Variants in ZNF740 observed in about 807,000 individuals in gnomAD.
ZNF740 encodes the protein zinc finger protein 740.
Under a neutral mutation model 24.8 loss-of-function variants are expected in ZNF740, and 14 were observed. The ratio of observed to expected loss-of-function variants is 0.56; its 90% CI spans 0.37 to 0.88. The LOEUF is 0.88. ZNF740 is among the 40% of genes least tolerant of loss of function. The pLI, the probability that ZNF740 is intolerant of heterozygous loss-of-function variation, is 0.00. For synonymous variants in ZNF740, 69 were observed against 84.0 expected (o/e 0.82, Z 0.98); for missense variants, 201 against 247.9 (o/e 0.81, Z 1.27).
At chr12:53,183,246 C>G (rs1941731793) in intron 2 of ZNF740, among the ~76,000 whole-genome samples, 1 of 152,208 alleles carries the variant, frequency 6.6e-6, no homozygotes, top group African/African-American at 2.4e-5. Context: ...TCTTAGTTTA[C>G]TTTTCATCAA....
At chr12:53,184,150 T>TGTGTGTGTGTGCGCGC (rs59250662) in intron 2 of ZNF740, among the ~76,000 whole-genome samples, 8 of 104,426 alleles carry the variant, frequency 7.7e-5, no homozygotes, top group South Asian at 6.0e-4. Context: ...TGTGTGTGTG[T>TGTGTGTGTGTGCGCGC]GCGCGCGCGC....
chr12:53,188,808 T>C lies in ZNF740; in HGVS notation c.*1218T>C. 6.6e-6 allele frequency: 1 copy of C among 152,240 alleles called. No homozygotes were observed. The highest frequency in any genetic ancestry group is 1.5e-5 in the Non-Finnish European group (1 of 68,004). 9.4% of individuals were successfully genotyped at this position (152,240 alleles called of 1,614,324 possible). On this transcript the variant is annotated 3_prime_UTR_variant, in exon 7 of 7. Transcript: ENST00000416904. ...AAAAGACTAAAGAAGAAACCTAATG[T>C]AGGTTCCATTCTTAACCATATTCTT... is the stretch of plus-strand genomic sequence containing the variant.
rs1348113919 is a variant in ZNF740 at position 53,193,729 on chromosome 12, T to G, written c.*6139T>G. On this transcript the variant is annotated 3_prime_UTR_variant, in exon 7 of 7. Coordinates refer to ENST00000416904, the MANE Select transcript of ZNF740 (RefSeq NM_001004304.4). ...TCACCTGCATACACCACATTGTAGG[T>G]GTCCCTGGCCATCACTGCAGTGGGG... 11 of 1,613,212 alleles carry G rather than the reference T, an allele frequency of 6.8e-6. No individual in the cohort carries two copies. Among genetic ancestry groups the G allele is most frequent in the Non-Finnish European group, 8.5e-7 (1 of 1,179,552 alleles).
chr12:53,189,188 A>G lies in ZNF740; in HGVS notation c.*1598A>G, dbSNP rs977092384. 6.6e-6 allele frequency: 1 copy of G among 151,972 alleles called. No individual in the cohort carries two copies. The highest frequency in any genetic ancestry group is 2.1e-4 in the South Asian group (1 of 4,830). 9.4% of individuals were successfully genotyped at this position (151,972 alleles called of 1,614,324 possible). A position where few individuals can be genotyped will look rare whatever the true frequency, so the allele number is the denominator to read the frequency against. On this transcript the variant is annotated 3_prime_UTR_variant, in exon 7 of 7. Transcript: ENST00000416904. The stretch of plus-strand genomic sequence containing the variant: ...CCCAAGCCAGGGCTTGTGAACATGA[A>G]TTTTCTAAGGTGAAATAAACCTTTT...
chr12:53,189,786 C>T lies in ZNF740; in HGVS notation c.*2196C>T, dbSNP rs1242643113. The T allele has an allele frequency of 6.6e-6, 1 of 152,166 alleles. No individual in the cohort carries two copies. The highest frequency in any genetic ancestry group is 1.5e-5 in the Non-Finnish European group (1 of 68,034). The allele number at this position is 152,166 out of a possible 1,614,324, so 9.4% of individuals were successfully genotyped here. ...CCTTCACTTCTGGGATGATTCACCC[C>T]ACATCTTCCAGTACCCTGTAAACCA... On this transcript the variant is annotated 3_prime_UTR_variant, in exon 7 of 7. Transcript: ENST00000416904.
chr12:53,186,352 A>C (rs1941820338), intron 5 of ZNF740, 39 bp from the exon 6 acceptor site: 1 of 1,519,770 alleles, frequency 6.6e-7, no homozygotes, highest in Non-Finnish European at 9.0e-7. Flanking sequence ...CCTACTGTAC[A>C]TACCTCCCCA....
chr12:53,194,729 CAG>C lies in ZNF740; in HGVS notation c.*7141_*7142del, dbSNP rs1303865403. 4 of 192,028 alleles carry C rather than the reference CAG, an allele frequency of 2.1e-5. No homozygotes were observed. Among genetic ancestry groups the C allele is most frequent in the Admixed American group, 5.3e-5 (1 of 18,984 alleles). The allele number at this position is 192,028 out of a possible 1,614,324, so 11.9% of individuals were successfully genotyped here. ...TATCTTGGGAAATTTGATACTGTCT[CAG>C]ATTTTCTTGCCATAGGTTTAGGAGA... is the stretch of plus-strand genomic sequence containing the variant. On this transcript the variant is annotated 3_prime_UTR_variant, in exon 7 of 7. Coordinates refer to ENST00000416904, the MANE Select transcript of ZNF740 (RefSeq NM_001004304.4).
Position 53,181,686 on chromosome 12 carries a change from A to G in ZNF740, c.-298A>G. 1 of 434,202 alleles carries G rather than the reference A, an allele frequency of 2.3e-6. No individual in the cohort carries two copies. The highest frequency in any genetic ancestry group is 3.9e-5 in the South Asian group (1 of 25,526). The allele number at this position is 434,202 out of a possible 1,614,324, so 26.9% of individuals were successfully genotyped here. On this transcript the variant is annotated 5_prime_UTR_variant, in exon 2 of 7. Transcript: ENST00000416904. ...TCCTTTCTGGTTTCAGGTTTCTGAAACAGATCGTGAGCTTCATCAAGAGAA... is the reference window on the plus strand; with the variant it reads ...TCCTTTCTGGTTTCAGGTTTCTGAAGCAGATCGTGAGCTTCATCAAGAGAA...
At position 53,191,107 on chromosome 12, in the gene ZNF740, C is replaced by G. The variant is rs1243889322; in HGVS notation, c.*3517C>G. ...GATGCAGTGTCTCTGACCTGGGACC[C>G]CCCTGCATCCGCAGCACTTGAGAAT... is the stretch of plus-strand genomic sequence containing the variant. On this transcript the variant is annotated 3_prime_UTR_variant, in exon 7 of 7. Transcript: ENST00000416904. The G allele has an allele frequency of 9.5e-6, 2 of 210,466 alleles. No homozygotes were observed. The highest frequency in any genetic ancestry group is 4.5e-5 in the African/African-American group (2 of 44,054). 13.0% of individuals were successfully genotyped at this position (210,466 alleles called of 1,614,324 possible). A position where few individuals can be genotyped will look rare whatever the true frequency, so the allele number is the denominator to read the frequency against.
chr12:53,184,215 T>G (rs11170461), intron 2 of ZNF740, among the ~76,000 whole-genome samples: 12,365 of 137,138 alleles, frequency 0.09, 722 homozygotes, highest in East Asian at 0.16. Flanking sequence ...GACGGAGGGA[T>G]TCTCGCTCTG....
In ZNF740 at chr12:53,190,866, T is replaced by A. The variant is rs1941920616; in HGVS notation, c.*3276T>A. The A allele has an allele frequency of 1.3e-5, 2 of 152,750 alleles. No homozygotes were observed. Among genetic ancestry groups the A allele is most frequent in the South Asian group, 4.1e-4 (2 of 4,836 alleles). 9.5% of individuals were successfully genotyped at this position (152,750 alleles called of 1,614,324 possible). On this transcript the variant is annotated 3_prime_UTR_variant, in exon 7 of 7. Coordinates refer to ENST00000416904, the MANE Select transcript of ZNF740 (RefSeq NM_001004304.4). ...AAAAGGAAAATGGGGCTTTTCTACA[T>A]ACTATCTCCTCTTTGGGGAAGCTTT...
Position 53,184,114 on chromosome 12 carries a change from G to GGTGTGTGTGTGTGT in ZNF740, c.10-753_10-740dup, listed in dbSNP as rs754768891. Among the ~76,000 whole-genome samples the GGTGTGTGTGTGTGT allele has an allele frequency of 5.8e-3, 711 of 123,498 alleles. 12 individuals are homozygous for GGTGTGTGTGTGTGT. Among genetic ancestry groups the GGTGTGTGTGTGTGT allele is most frequent in the East Asian group, 0.021 (83 of 3,882 alleles). The allele number at this position is 123,498 out of a possible 152,430, so 81.0% of individuals were successfully genotyped here. A position where few individuals can be genotyped will look rare whatever the true frequency, so the allele number is the denominator to read the frequency against. ...TCAAAAGTGGGCTCTGAAGCTAAGG[G>GGTGTGTGTGTGTGT]GTGTGTGTGTGTGTGTGTGTGTGTG... On this transcript the variant is annotated intron_variant, in intron 2 of 6. Coordinates refer to ENST00000416904, the MANE Select transcript of ZNF740 (RefSeq NM_001004304.4).
In ZNF740 at chr12:53,180,750, A is replaced by G. The variant is rs1490196725; in HGVS notation, c.-395A>G. ...AACTTGCCTCGGTCCCGGTGGGGGC[A>G]GCCGCGGCGGTGGGGTTGGCAGGGT... On this transcript the variant is annotated 5_prime_UTR_variant, in exon 1 of 7. Transcript: ENST00000416904. 1 of 1,266,260 alleles carries G rather than the reference A, an allele frequency of 7.9e-7. No homozygotes were observed. Among genetic ancestry groups the G allele is most frequent in the South Asian group, 1.3e-5 (1 of 78,546 alleles). 78.4% of individuals were successfully genotyped at this position (1,266,260 alleles called of 1,614,324 possible). A position where few individuals can be genotyped will look rare whatever the true frequency, so the allele number is the denominator to read the frequency against.
chr12:53,182,747 G>A lies in ZNF740; in HGVS notation c.9+755G>A, dbSNP rs116037672. Among the ~76,000 whole-genome samples, 1,321 of 152,268 alleles carry A rather than the reference G, an allele frequency of 8.7e-3. 14 individuals are homozygous for A. The highest frequency in any genetic ancestry group is 0.025 in the African/African-American group (1,054 of 41,558). On this transcript the variant is annotated intron_variant, in intron 2 of 6. Transcript: ENST00000416904. ...TTACGGAGTAAGGGATTTAAATGGG[G>A]ATAGTTATGGAGGTAGTATTGACAG...
chr12:53,194,025 T>G lies in ZNF740; in HGVS notation c.*6435T>G. 5 of 1,297,654 alleles carry G rather than the reference T, an allele frequency of 3.9e-6. No individual in the cohort carries two copies. The South Asian group carries it at 6.9e-5, about 18-fold the overall frequency. The allele number at this position is 1,297,654 out of a possible 1,614,324, so 80.4% of individuals were successfully genotyped here. ...GGATGGGGTCATGTTAACACCCAAC[T>G]CCTAGAAACATGCCTGAGGAAGCCA... On this transcript the variant is annotated 3_prime_UTR_variant, in exon 7 of 7. Transcript: ENST00000416904.
Position 53,192,704 on chromosome 12 carries a change from A to C in ZNF740, c.*5114A>C. On this transcript the variant is annotated 3_prime_UTR_variant, in exon 7 of 7. Coordinates refer to ENST00000416904, the MANE Select transcript of ZNF740 (RefSeq NM_001004304.4). Reference sequence around the variant, plus strand: ...CTGAGGCCTCACCGGTGTCTCTCGCATGGTGTCTTGCAGCCTGGGCATTGG... The same window carrying C: ...CTGAGGCCTCACCGGTGTCTCTCGCCTGGTGTCTTGCAGCCTGGGCATTGG... 6.2e-7 allele frequency: 1 copy of C among 1,613,938 alleles called. No individual in the cohort carries two copies. The highest frequency in any genetic ancestry group is 8.5e-7 in the Non-Finnish European group (1 of 1,179,918).
chr12:53,192,803 G>T lies in ZNF740; in HGVS notation c.*5213G>T, dbSNP rs781403742. 1.9e-6 allele frequency: 3 copies of T among 1,614,202 alleles called. No homozygotes were observed. The highest frequency in any genetic ancestry group is 2.5e-6 in the Non-Finnish European group (3 of 1,180,038). ...TTGCAGCGTCCATGCCCACTGCAGAGCCCTCCCTCGGGACTGATGCAACTG... is the reference window on the plus strand; with the variant it reads ...TTGCAGCGTCCATGCCCACTGCAGATCCCTCCCTCGGGACTGATGCAACTG... On this transcript the variant is annotated 3_prime_UTR_variant, in exon 7 of 7. Transcript: ENST00000416904.
chr12:53,193,950 A>G lies in ZNF740; in HGVS notation c.*6360A>G, dbSNP rs1333007630. The G allele has an allele frequency of 2.0e-6, 3 of 1,532,732 alleles. No individual in the cohort carries two copies. Among genetic ancestry groups the G allele is most frequent in the South Asian group, 2.4e-5 (2 of 83,026 alleles). 94.9% of individuals were successfully genotyped at this position (1,532,732 alleles called of 1,614,324 possible). ...CATGGTTATACACATGCACACACAC[A>G]TACCCCAAACTCACCAATCATCCAG... On this transcript the variant is annotated 3_prime_UTR_variant, in exon 7 of 7. Coordinates refer to ENST00000416904, the MANE Select transcript of ZNF740 (RefSeq NM_001004304.4).
chr12:53,185,168 A>G (rs756439480), intron 3 of ZNF740, 128 bp downstream of exon 3: 2 of 1,411,232 alleles, frequency 1.4e-6, no homozygotes, highest in East Asian at 2.4e-5. Context: ...CAACTGGGGA[A>G]TGGATGAACA....
Sources: allele counts gnomAD v4.1 joint callset (sites outside exome capture counted in the v4.1 genomes callset), GRCh38; gene constraint gnomAD v4.1.1; transcripts MANE v1.5; gene names NCBI Gene and HGNC (gene_info 2026-07-23, HGNC 2026-07-21).